The following SH3GL2 variants were observed in gnomAD, a reference collection of about 807,000 sequenced individuals.
The protein encoded by SH3GL2 is SH3 domain containing GRB2 like 2, endophilin A1.
A neutral mutation model predicts 46.0 loss-of-function variants in SH3GL2; 24 were observed. That is an observed-to-expected ratio of 0.52 (90% CI 0.38 to 0.73). SH3GL2 has a LOEUF of 0.73. Among genes scored for constraint, SH3GL2 ranks in the 30% least tolerant of loss-of-function variants. SH3GL2 has a pLI of 0.00. For synonymous variants in SH3GL2, 196 were observed against 147.1 expected (o/e 1.33, Z -2.40); for missense variants, 413 against 424.2 (o/e 0.97, Z 0.23).
chr9:17,622,970 CCTTTCGT>C (rs1819178701), intron 1 of SH3GL2, among the ~76,000 whole-genome samples: 1 of 91,780 alleles, frequency 1.1e-5, no homozygotes, highest in African/African-American at 4.2e-5. Flanking sequence ...CCTCCCTTTT[CCTTTCGT>C]TTCCTTTCGT....
intron 1 of SH3GL2, among the ~76,000 whole-genome samples, chr9:17,656,231 A>T (rs1326936189): frequency 6.6e-6 from 1 of 152,164 alleles, no homozygotes; most frequent in Admixed American, 6.5e-5. Flanking sequence ...TTACTTTGGT[A>T]GACCGATTTG....
chr9:17,589,043 A>T (rs1160791641), intron 1 of SH3GL2: 1 of 152,214 alleles, frequency 6.6e-6, no homozygotes, highest in African/African-American at 2.4e-5. Flanking sequence ...GTGTCTGTAT[A>T]TTAATCTATT....
At chr9:17,766,284 G>A (rs945175853) in intron 3 of SH3GL2, among the ~76,000 whole-genome samples, 1 of 152,216 alleles carries the variant, frequency 6.6e-6, no homozygotes, top group East Asian at 1.9e-4. Context: ...ACAGACAGCT[G>A]TAAAGTCATC....
chr9:17,638,480 C>A (rs1819598747), intron 1 of SH3GL2, among the ~76,000 whole-genome samples: 1 of 152,166 alleles, frequency 6.6e-6, no homozygotes, highest in African/African-American at 2.4e-5. Context: ...GTGAAAGTAT[C>A]ATGAGGAAAA....
chr9:17,779,370 G>T (rs1416613549), intron 3 of SH3GL2, among the ~76,000 whole-genome samples: 1 of 152,166 alleles, frequency 6.6e-6, no homozygotes, highest in Non-Finnish European at 1.5e-5. Flanking sequence ...AAATTTGACG[G>T]AATGGGAAAG....
chr9:17,646,643 C>T (rs1819825562), intron 1 of SH3GL2, among the ~76,000 whole-genome samples: 1 of 152,186 alleles, frequency 6.6e-6, no homozygotes. Context: ...TTCTGCAGGC[C>T]TGATGGAGTT....
intron 5 of SH3GL2, 25 bp downstream of exon 5, chr9:17,787,538 A>G: frequency 6.2e-7 from 1 of 1,603,298 alleles, no homozygotes; most frequent in Non-Finnish European, 8.5e-7. Flanking sequence ...TCTTCTGGAA[A>G]GTGGGCAGTT....
intron 1 of SH3GL2, among the ~76,000 whole-genome samples, chr9:17,673,587 C>T (rs558792453): frequency 2.8e-4 from 43 of 152,270 alleles, no homozygotes; most frequent in African/African-American, 9.4e-4. Context: ...GCTTTGTCAC[C>T]AGCAGGATAA....
intron 2 of SH3GL2, among the ~76,000 whole-genome samples, chr9:17,759,191 G>A (rs137944549): frequency 9.9e-5 from 15 of 152,276 alleles, no homozygotes; most frequent in Non-Finnish European, 1.3e-4. Flanking sequence ...AGGGAAACCC[G>A]TGAAACTGAG....
At chr9:17,786,593 TC>T (rs752054843) in intron 4 of SH3GL2, 69 bp downstream of exon 4, 5 of 1,497,372 alleles carry the variant, frequency 3.3e-6, no homozygotes, top group Non-Finnish European at 3.7e-6. Flanking sequence ...GGTAAGAAAT[TC>T]TGTAGGGAAT....
chr9:17,693,133 CT>C (rs941700035), intron 1 of SH3GL2, among the ~76,000 whole-genome samples: 3 of 152,080 alleles, frequency 2.0e-5, no homozygotes, highest in Non-Finnish European at 4.4e-5. Context: ...GAAAATAAAA[CT>C]TTTTTTAAGT....
At chr9:17,689,476 AG>A (rs1223676888) in intron 1 of SH3GL2, among the ~76,000 whole-genome samples, 1 of 152,112 alleles carries the variant, frequency 6.6e-6, no homozygotes, top group Admixed American at 6.6e-5. Flanking sequence ...TGCTAATAAG[AG>A]GGGACATACA....
At chr9:17,740,159 A>G (rs748667623) in intron 1 of SH3GL2, among the ~76,000 whole-genome samples, 1 of 152,148 alleles carries the variant, frequency 6.6e-6, no homozygotes, top group Non-Finnish European at 1.5e-5. Context: ...AATTATCTCA[A>G]TTTAGATAGA....
chr9:17,672,934 C>A (rs771298231), intron 1 of SH3GL2, among the ~76,000 whole-genome samples: 12 of 152,090 alleles, frequency 7.9e-5, no homozygotes, highest in Non-Finnish European at 1.8e-4. Flanking sequence ...GTGAATTAAT[C>A]TCTTAGCTGT....
intron 3 of SH3GL2, among the ~76,000 whole-genome samples, chr9:17,779,876 ACACACTTC>A (rs1326898979): frequency 1.3e-5 from 2 of 152,112 alleles, no homozygotes; most frequent in Non-Finnish European, 2.9e-5. Context: ...TGAAGTACTT[ACACACTTC>A]CACTCTAAAA....
At chr9:17,622,745 G>C (rs1416835486) in intron 1 of SH3GL2, among the ~76,000 whole-genome samples, 2 of 152,150 alleles carry the variant, frequency 1.3e-5, no homozygotes, top group Non-Finnish European at 2.9e-5. Context: ...TTCAAAATGA[G>C]GAAGTCAGAG....
intron 1 of SH3GL2, among the ~76,000 whole-genome samples, chr9:17,596,147 G>A (rs1278451913): frequency 6.6e-6 from 1 of 152,104 alleles, no homozygotes; most frequent in East Asian, 1.9e-4. Context: ...ATATATGTCA[G>A]TTTGCTTCAT....
intron 1 of SH3GL2, among the ~76,000 whole-genome samples, chr9:17,741,127 C>G (rs56374530): frequency 0.13 from 19,651 of 152,122 alleles, 1,395 homozygotes; most frequent in African/African-American, 0.17. Flanking sequence ...CTGATTTCTA[C>G]TCTTAAAACC....
chr9:17,784,760 C>G (rs553370826), intron 3 of SH3GL2, among the ~76,000 whole-genome samples: 20 of 152,154 alleles, frequency 1.3e-4, no homozygotes, highest in Non-Finnish European at 2.9e-4. Context: ...CTGTGTCACC[C>G]AGAGTGGAGT....
Sources: gnomAD v4.1 joint callset for allele counts (sites outside exome capture counted in the v4.1 genomes callset) on GRCh38, gnomAD v4.1.1 for gene constraint, MANE v1.5 for transcripts, NCBI Gene and HGNC (gene_info 2026-07-23, HGNC 2026-07-21) for gene names.